GLIPR1L2: variants seen among roughly 807,000 people sequenced by gnomAD.
The protein encoded by GLIPR1L2 is GLIPR1 like 2, also known as GLIPR1-like protein 2.
GLIPR1L2 carries 21 observed loss-of-function variants against 28.4 expected under a neutral mutation model. The observed-to-expected ratio is 0.74, with a 90% CI of 0.52 to 1.06. GLIPR1L2 has a LOEUF of 1.06. Ranked by LOEUF, GLIPR1L2 falls within the 50% of genes least tolerant of loss-of-function variation. GLIPR1L2 has a pLI of 0.00. For synonymous variants in GLIPR1L2, 145 were observed against 139.3 expected (o/e 1.04, Z -0.29); for missense variants, 476 against 416.9 (o/e 1.14, Z -1.23).
chr12:75,423,838 A>G (rs895874440), intron 4 of GLIPR1L2: 2 of 152,044 alleles, frequency 1.3e-5, no homozygotes, highest in African/African-American at 2.4e-5. Flanking sequence ...TGTTCTTGTG[A>G]TAGTTTGCTG....
intron 1 of GLIPR1L2, among the ~76,000 whole-genome samples, chr12:75,394,743 G>T (rs1344075499): frequency 9.8e-6 from 1 of 101,928 alleles, no homozygotes; most frequent in African/African-American, 3.9e-5. Flanking sequence ...CGAATTTTGA[G>T]ATGTATTTTT....
At chr12:75,392,864 T>C (rs991445007) in intron 1 of GLIPR1L2, among the ~76,000 whole-genome samples, 3 of 152,046 alleles carry the variant, frequency 2.0e-5, no homozygotes, top group African/African-American at 7.2e-5. Flanking sequence ...CCACCCTAAA[T>C]TTTTACCTTT....
At chr12:75,409,981 G>A (rs2139941434) in intron 1 of GLIPR1L2, among the ~76,000 whole-genome samples, 1 of 150,964 alleles carries the variant, frequency 6.6e-6, no homozygotes, top group South Asian at 2.1e-4. Context: ...ATAAAGCAAT[G>A]TGAGGACAAA....
At chr12:75,401,425 G>A (rs374793668) in intron 1 of GLIPR1L2, among the ~76,000 whole-genome samples, 106 of 151,394 alleles carry the variant, frequency 7.0e-4, no homozygotes, top group African/African-American at 2.4e-3. Context: ...AAAGGCCTTC[G>A]CACTGGCCAA....
intron 4 of GLIPR1L2, among the ~76,000 whole-genome samples, chr12:75,427,166 A>C (rs2046042640): frequency 6.6e-6 from 1 of 152,222 alleles, no homozygotes; most frequent in Non-Finnish European, 1.5e-5. Flanking sequence ...TACTAAATAG[A>C]ATATTTAAAG....
At chr12:75,422,495 G>C (rs1038696408) in intron 3 of GLIPR1L2, among the ~76,000 whole-genome samples, 3 of 151,798 alleles carry the variant, frequency 2.0e-5, no homozygotes, top group African/African-American at 7.3e-5. Flanking sequence ...GTAGAGACAG[G>C]GTTTCACCGT....
At chr12:75,415,502 C>T (rs2045914562) in intron 3 of GLIPR1L2, among the ~76,000 whole-genome samples, 1 of 152,084 alleles carries the variant, frequency 6.6e-6, no homozygotes, top group African/African-American at 2.4e-5. Flanking sequence ...AAAGCAGCAA[C>T]ATTTATTATC....
At chr12:75,424,933 A>G (rs2046018425) in intron 4 of GLIPR1L2, among the ~76,000 whole-genome samples, 2 of 152,248 alleles carry the variant, frequency 1.3e-5, no homozygotes, top group East Asian at 1.9e-4. Context: ...TCATCTACAC[A>G]GAGGGGCATC....
chr12:75,422,896 G>T lies in GLIPR1L2; in HGVS notation c.585-8G>T, dbSNP rs1439759123. The T allele has an allele frequency of 6.3e-7, 1 of 1,585,998 alleles. No homozygotes were observed. On this transcript the variant is annotated splice_region_variant and splice_polypyrimidine_tract_variant and intron_variant, in intron 3 of 5. Coordinates refer to ENST00000550916, the MANE Select transcript of GLIPR1L2 (RefSeq NM_001270396.2). ...CTAACTAAATGTTTTCTGCTTTTTT[G>T]TTTGTAGAGGAACACTGACGAGAAG...
rs17114960 is a variant in GLIPR1L2, at chr12:75,419,706, G to A, written c.585-3198G>A. On this transcript the variant is annotated intron_variant, in intron 3 of 5. Transcript: ENST00000550916. Reference sequence around the variant, plus strand: ...TTTAACTGTGTTCCACAGTCCTTTAGGTGCAGGATATGTTAAGTGAAGGGA... The same window carrying A: ...TTTAACTGTGTTCCACAGTCCTTTAAGTGCAGGATATGTTAAGTGAAGGGA... Among the ~76,000 whole-genome samples, 250 of 152,306 alleles carry A rather than the reference G, an allele frequency of 1.6e-3. 1 individual carries two copies. The Middle Eastern group carries it at 0.02, about 12-fold the overall frequency.
At chr12:75,406,190 C>CT (rs1249945450) in intron 1 of GLIPR1L2, among the ~76,000 whole-genome samples, 1 of 151,646 alleles carries the variant, frequency 6.6e-6, no homozygotes, top group Non-Finnish European at 1.5e-5. Flanking sequence ...CTTTTGAAAT[C>CT]TTTTGTCATA....
chr12:75,425,519 T>A (rs1198309560), intron 4 of GLIPR1L2, among the ~76,000 whole-genome samples: 1 of 152,202 alleles, frequency 6.6e-6, no homozygotes. Context: ...GGTTTCAAAG[T>A]CTGAGCACGG....
intron 1 of GLIPR1L2, 106 bp from the exon 2 acceptor site, chr12:75,410,328 A>G (rs2045852113): frequency 4.6e-6 from 5 of 1,082,484 alleles, no homozygotes; most frequent in African/African-American, 1.6e-5. Context: ...GCACAAGTAC[A>G]AAGTTAGAAT....
intron 3 of GLIPR1L2, among the ~76,000 whole-genome samples, chr12:75,415,335 G>A (rs2045913277): frequency 6.6e-6 from 1 of 152,048 alleles, no homozygotes; most frequent in Non-Finnish European, 1.5e-5. Flanking sequence ...GTGGCTGTTG[G>A]TAGAGAATGA....
chr12:75,422,582 A>G (rs559712346), intron 3 of GLIPR1L2, among the ~76,000 whole-genome samples: 31 of 152,290 alleles, frequency 2.0e-4, no homozygotes, highest in African/African-American at 6.3e-4. Flanking sequence ...GATTACGGGC[A>G]TGAGCCACCG....
At chr12:75,398,547 A>G (rs2045706880) in intron 1 of GLIPR1L2, among the ~76,000 whole-genome samples, 1 of 152,122 alleles carries the variant, frequency 6.6e-6, no homozygotes, top group South Asian at 2.1e-4. Flanking sequence ...CTAGGAGCAC[A>G]GAATCCCTCC....
chr12:75,410,251 G>A (rs1566069973), intron 1 of GLIPR1L2, among the ~76,000 whole-genome samples, 183 bp from the exon 2 acceptor site: 1 of 151,570 alleles, frequency 6.6e-6, no homozygotes, highest in East Asian at 1.9e-4. Context: ...TTTGTCTCAG[G>A]AAATGGTCAT....
rs73370055 is a variant in GLIPR1L2 at position 75,423,480 on chromosome 12, C to T, written c.670+491C>T. 617 of 841,908 alleles carry T rather than the reference C, an allele frequency of 7.3e-4. 5 individuals are homozygous for T. The African/African-American group carries it at 9.1e-3, about 12-fold the overall frequency. The allele number at this position is 841,908 out of a possible 1,614,324, so 52.2% of individuals were successfully genotyped here. Reference sequence around the variant, plus strand: ...GTTTTTCCAAACATGAGAGAATATACTCCAAAAGTATAACTGTAGCTAAAA... The same window carrying T: ...GTTTTTCCAAACATGAGAGAATATATTCCAAAAGTATAACTGTAGCTAAAA... On this transcript the variant is annotated intron_variant, in intron 4 of 5. Transcript: ENST00000550916.
intron 3 of GLIPR1L2, among the ~76,000 whole-genome samples, chr12:75,418,269 G>T (rs879891858): frequency 6.6e-6 from 1 of 152,098 alleles, no homozygotes; most frequent in Non-Finnish European, 1.5e-5. Context: ...CTACTGGCTG[G>T]ATAAAAGTAA....
Sources: allele counts gnomAD v4.1 joint callset (sites outside exome capture counted in the v4.1 genomes callset), GRCh38; gene constraint gnomAD v4.1.1; transcripts MANE v1.5; gene names NCBI Gene and HGNC (gene_info 2026-07-23, HGNC 2026-07-21).